RGS7: variants seen among roughly 807,000 people sequenced by gnomAD.
The protein encoded by RGS7 is regulator of G protein signaling 7.
Under a neutral mutation model 81.1 loss-of-function variants are expected in RGS7, and 27 were observed. The ratio of observed to expected loss-of-function variants is 0.33; its 90% CI spans 0.25 to 0.46. The LOEUF is 0.46. RGS7 is among the 20% of genes least tolerant of loss of function. The probability of loss-of-function intolerance (pLI) is 1.00; values close to 1 mark genes in which losing one functional copy is unlikely to be tolerated. For missense variants in RGS7, 396 were observed against 607.4 expected (o/e 0.65, Z 3.66); for synonymous variants, 208 against 207.7 (o/e 1.00, Z -0.01).
chr1:241,083,978 C>T (rs907265299), intron 3 of RGS7, among the ~76,000 whole-genome samples: 1 of 152,182 alleles, frequency 6.6e-6, no homozygotes, highest in Non-Finnish European at 1.5e-5. Flanking sequence ...GAAAAATATT[C>T]CACCTTACTT....
intron 2 of RGS7, among the ~76,000 whole-genome samples, chr1:241,121,136 G>C (rs1158877447): frequency 6.6e-6 from 1 of 152,138 alleles, no homozygotes; most frequent in Non-Finnish European, 1.5e-5. Flanking sequence ...GATTTCAACA[G>C]TAAATAGATG....
intron 6 of RGS7, among the ~76,000 whole-genome samples, chr1:240,910,081 G>A (rs569042963): frequency 1.8e-4 from 27 of 152,158 alleles, no homozygotes; most frequent in Middle Eastern, 3.4e-3. Context: ...GCTTGCTTTC[G>A]TGTTTTTATA....
intron 2 of RGS7, among the ~76,000 whole-genome samples, chr1:241,236,059 G>A (rs1025637123): frequency 6.6e-6 from 1 of 152,018 alleles, no homozygotes; most frequent in African/African-American, 2.4e-5. Context: ...TGCAGTTTGA[G>A]ACCATGAGAT....
chr1:240,952,192 G>T (rs149721871), intron 4 of RGS7, among the ~76,000 whole-genome samples: 3,822 of 151,930 alleles, frequency 0.025, 98 homozygotes, highest in African/African-American at 0.056. Flanking sequence ...CATACATAAA[G>T]AAAGAAAGAA....
chr1:240,922,319 T>C (rs1204135995), intron 6 of RGS7, among the ~76,000 whole-genome samples: 2 of 152,060 alleles, frequency 1.3e-5, no homozygotes, highest in Admixed American at 1.3e-4. Context: ...AGTTTGGCAA[T>C]GACTTTTTAG....
At chr1:240,895,844 A>G (rs1236700524) in intron 6 of RGS7, among the ~76,000 whole-genome samples, 1 of 152,154 alleles carries the variant, frequency 6.6e-6, no homozygotes, top group African/African-American at 2.4e-5. Flanking sequence ...CTAGTTCTAG[A>G]TCCTTGAGGA....
intron 5 of RGS7, among the ~76,000 whole-genome samples, chr1:240,933,048 A>C (rs981574579): frequency 7.2e-6 from 1 of 139,506 alleles, no homozygotes; most frequent in East Asian, 2.2e-4. Context: ...ACGCCCGGCT[A>C]ATTTTTTGTA....
intron 2 of RGS7, among the ~76,000 whole-genome samples, chr1:241,323,381 G>A (rs1449616069): frequency 6.6e-6 from 1 of 152,198 alleles, no homozygotes; most frequent in African/African-American, 2.4e-5. Flanking sequence ...AGCGCCTGTG[G>A]AGGCCTAAGA....
At chr1:241,280,087 T>C (rs890850638) in intron 2 of RGS7, among the ~76,000 whole-genome samples, 1 of 152,218 alleles carries the variant, frequency 6.6e-6, no homozygotes, top group African/African-American at 2.4e-5. Context: ...AAGATCTTAC[T>C]TGGAAATAGA....
rs539678488 is a variant in RGS7 at position 241,280,139 on chromosome 1, G to C, written c.78+75560C>G. On this transcript the variant is annotated intron_variant, in intron 2 of 18. Transcript: ENST00000440928. Reference sequence around the variant, plus strand: ...TTAGTTGAGATAATGTCATACTGTAGTTGGGTGGGCCTCTAATCCAATGTG... The same window carrying C: ...TTAGTTGAGATAATGTCATACTGTACTTGGGTGGGCCTCTAATCCAATGTG... Among the ~76,000 whole-genome samples, 25 of 152,338 alleles carry C rather than the reference G, an allele frequency of 1.6e-4. No homozygotes were observed. The East Asian group carries it at 4.8e-3, about 29-fold the overall frequency.
chr1:241,154,439 C>A (rs905601614), intron 2 of RGS7, among the ~76,000 whole-genome samples: 4 of 152,126 alleles, frequency 2.6e-5, no homozygotes, highest in Non-Finnish European at 5.9e-5. Flanking sequence ...GGGAAGAAAG[C>A]CATAACATGC....
chr1:240,943,681 A>G (rs1232880914), intron 4 of RGS7, among the ~76,000 whole-genome samples: 1 of 152,196 alleles, frequency 6.6e-6, no homozygotes, highest in African/African-American at 2.4e-5. Flanking sequence ...ACACTAACAA[A>G]ATCCCAAAAA....
intron 3 of RGS7, among the ~76,000 whole-genome samples, chr1:241,064,554 C>T (rs2061947728): frequency 6.6e-6 from 1 of 151,756 alleles, no homozygotes; most frequent in African/African-American, 2.4e-5. Flanking sequence ...TGCATTCATA[C>T]CTGGCAACAG....
At position 240,922,917 on chromosome 1, in the gene RGS7, G is replaced by C. The variant is rs866584938; in HGVS notation, c.385+7800C>G. ...AAAATTCTGTACATGAAGGTTTATA[G>C]CAGCTCAACTCGTAATTGCCATATG... On this transcript the variant is annotated intron_variant, in intron 6 of 18. Transcript: ENST00000440928. Among the ~76,000 whole-genome samples the C allele has an allele frequency of 1.0e-3, 154 of 152,182 alleles. 1 individual carries two copies. The Middle Eastern group carries it at 0.017, about 17-fold the overall frequency.
intron 2 of RGS7, among the ~76,000 whole-genome samples, chr1:241,263,481 C>T (rs1371661607): frequency 6.6e-6 from 1 of 152,104 alleles, no homozygotes; most frequent in African/African-American, 2.4e-5. Flanking sequence ...CAGGGCTCGT[C>T]TCTGGAGCTT....
chr1:241,154,460 T>C (rs768997406), intron 2 of RGS7, among the ~76,000 whole-genome samples: 2 of 152,046 alleles, frequency 1.3e-5, no homozygotes, highest in African/African-American at 4.8e-5. Flanking sequence ...AAGTAGCAGC[T>C]GGAGGAGGAC....
chr1:241,245,353 C>G (rs1256870244), intron 2 of RGS7, among the ~76,000 whole-genome samples: 1 of 148,788 alleles, frequency 6.7e-6, no homozygotes, highest in East Asian at 1.9e-4. Context: ...CCACACCCCC[C>G]TCCTCTTGCT....
intron 2 of RGS7, among the ~76,000 whole-genome samples, chr1:241,170,937 G>A (rs2070690566): frequency 6.6e-6 from 1 of 152,166 alleles, no homozygotes; most frequent in Non-Finnish European, 1.5e-5. Flanking sequence ...AGTGAGACGT[G>A]ATTGGTGATA....
chr1:240,990,948 C>T (rs924363173), intron 3 of RGS7, among the ~76,000 whole-genome samples: 1 of 152,202 alleles, frequency 6.6e-6, no homozygotes, highest in Admixed American at 6.5e-5. Flanking sequence ...GGTTGTTGCT[C>T]TTTAGAGTTC....
Sources: gnomAD v4.1 joint callset for allele counts (sites outside exome capture counted in the v4.1 genomes callset) on GRCh38, gnomAD v4.1.1 for gene constraint, MANE v1.5 for transcripts, NCBI Gene and HGNC (gene_info 2026-07-23, HGNC 2026-07-21) for gene names.